DOCK10: variants seen among roughly 807,000 people sequenced by gnomAD.
DOCK10 encodes dedicator of cytokinesis 10.
Under a neutral mutation model 280.1 loss-of-function variants are expected in DOCK10, and 145 were observed. The ratio of observed to expected loss-of-function variants is 0.52; its 90% confidence interval spans 0.45 to 0.59. The LOEUF (loss-of-function observed/expected upper bound fraction) is 0.59, where lower values mean the gene tolerates loss of function less well. Among genes scored for constraint, DOCK10 ranks in the 20% least tolerant of loss-of-function variants. The pLI is 0.00. For missense variants in DOCK10, 2,368 were observed against 2,651.7 expected (o/e 0.89, Z 2.35); for synonymous variants, 915 against 942.2 (o/e 0.97, Z 0.53).
chr2:224,780,631 G>T (rs182043212), intron 50 of DOCK10, among the ~76,000 whole-genome samples: 68 of 152,158 alleles, frequency 4.5e-4, no homozygotes, highest in Admixed American at 1.1e-3. Flanking sequence ...GCTGGGTGCG[G>T]TGGTTCACGC....
intron 1 of DOCK10, chr2:224,983,752 A>G: frequency 2.1e-6 from 1 of 470,998 alleles, no homozygotes; most frequent in Non-Finnish European, 4.4e-6. Context: ...TCTTTTAAGA[A>G]GTACTGGCTG....
intron 47 of DOCK10, among the ~76,000 whole-genome samples, chr2:224,790,140 A>G (rs1574826248): frequency 6.6e-6 from 1 of 152,208 alleles, no homozygotes; most frequent in African/African-American, 2.4e-5. Context: ...TTTTCTTAGT[A>G]TCTTAGGCAC....
At chr2:224,996,874 A>T (rs1014229022) in intron 1 of DOCK10, among the ~76,000 whole-genome samples, 1 of 152,212 alleles carries the variant, frequency 6.6e-6, no homozygotes, top group African/African-American at 2.4e-5. Context: ...ATAGGGGTGC[A>T]GCAGGCAGAC....
Position 224,796,974 on chromosome 2 carries a change from G to A in DOCK10, c.4817C>T (p.Ser1606Phe). 6.2e-7 allele frequency: 1 copy of A among 1,612,600 alleles called. No individual in the cohort carries two copies. The highest frequency in any genetic ancestry group is 8.5e-7 in the Non-Finnish European group (1 of 1,179,346). The change falls in exon 43 of 56, where the codon TCC (serine) becomes TTC (phenylalanine). Residue 1606 changes from serine to phenylalanine, a missense_variant. Ser to Phe is a radical substitution (Grantham distance 155). Transcript: ENST00000258390. ...ATTGGCAGCACTTACTTGTAAGTGG[G>A]ACCGGACAATTGACTTCTGCTTGTT... ...EFNKQKSIVR[S>F]HLQLIKAVSQ... is the part of the protein sequence containing the mutation.
At chr2:224,935,689 A>G (rs1333766081) in intron 1 of DOCK10, among the ~76,000 whole-genome samples, 3 of 152,174 alleles carry the variant, frequency 2.0e-5, no homozygotes, top group African/African-American at 7.2e-5. Context: ...CCCACACGTA[A>G]AATCCTCATT....
At chr2:224,931,521 C>A (rs1210214640) in intron 2 of DOCK10, 28 bp downstream of exon 2, 2 of 1,582,130 alleles carry the variant, frequency 1.3e-6, no homozygotes, top group East Asian at 2.3e-5. Context: ...CCTCCTGAAT[C>A]TAAATGGCTT....
intron 11 of DOCK10, among the ~76,000 whole-genome samples, chr2:224,868,884 G>A (rs548011390): frequency 6.6e-6 from 1 of 152,018 alleles, no homozygotes; most frequent in Non-Finnish European, 1.5e-5. Context: ...CACATTGAAG[G>A]TCAAAGCAAA....
Position 224,819,436 on chromosome 2 carries a change from T to C in DOCK10, c.3267+10A>G. Reference sequence around the variant, plus strand: ...TTTAGAAAACAATCACTCCTGTACGTGGTTCTTACCTTAAGGTCACCGGAG... The same window carrying C: ...TTTAGAAAACAATCACTCCTGTACGCGGTTCTTACCTTAAGGTCACCGGAG... On this transcript the variant is annotated intron_variant, in intron 29 of 55. Transcript: ENST00000258390. 1 of 1,572,526 alleles carries C rather than the reference T, an allele frequency of 6.4e-7. No individual in the cohort carries two copies. The highest frequency in any genetic ancestry group is 2.3e-5 in the East Asian group (1 of 44,256).
At chr2:224,877,424 T>TAACAGGTTCCTATTCTATTGG (rs1698697176) in intron 7 of DOCK10, among the ~76,000 whole-genome samples, 1 of 124,860 alleles carries the variant, frequency 8.0e-6, no homozygotes, top group Non-Finnish European at 1.8e-5. Context: ...GAATGGAACA[T>TAACAGGTTCCTATTCTATTGG]AATAGGTTCC....
At chr2:224,947,024 CA>C in intron 1 of DOCK10, 3 of 1,460,400 alleles carry the variant, frequency 2.1e-6, no homozygotes, top group Non-Finnish European at 2.7e-6. Context: ...TCTGAAGCGT[CA>C]CCAGGCTGAA....
At chr2:224,908,121 G>T (rs148980781) in intron 3 of DOCK10, among the ~76,000 whole-genome samples, 8 of 149,382 alleles carry the variant, frequency 5.4e-5, no homozygotes, top group African/African-American at 2.0e-4. Flanking sequence ...CTTGCCGAAC[G>T]TTCTGTGCCT....
At chr2:224,993,755 A>G (rs1252353549) in intron 1 of DOCK10, among the ~76,000 whole-genome samples, 1 of 152,192 alleles carries the variant, frequency 6.6e-6, no homozygotes, top group East Asian at 1.9e-4. Context: ...AAGCTGACAG[A>G]GGGCAAAGCT....
At chr2:224,857,099 T>G (rs905049693) in intron 14 of DOCK10, 117 bp from the exon 15 acceptor site, 1 of 903,136 alleles carries the variant, frequency 1.1e-6, no homozygotes, top group African/African-American at 1.7e-5. Flanking sequence ...TAAGAACTTA[T>G]AAAATAAAAA....
chr2:224,971,655 G>C (rs936835257), intron 1 of DOCK10, among the ~76,000 whole-genome samples: 1 of 151,994 alleles, frequency 6.6e-6, no homozygotes, highest in African/African-American at 2.4e-5. Flanking sequence ...ATTTAACTTT[G>C]ATTTAACTTT....
chr2:224,952,092 T>A (rs1016618995), intron 1 of DOCK10, among the ~76,000 whole-genome samples: 3 of 152,228 alleles, frequency 2.0e-5, no homozygotes, highest in African/African-American at 7.2e-5. Flanking sequence ...CAGGACAATC[T>A]GGAATCATTT....
intron 1 of DOCK10, among the ~76,000 whole-genome samples, chr2:225,038,375 C>T (rs184409782): frequency 6.6e-6 from 1 of 152,076 alleles, no homozygotes; most frequent in Non-Finnish European, 1.5e-5. Context: ...CTCACGTAAA[C>T]ATGTTTACAT....
At chr2:224,860,176 A>G (rs1697406584) in intron 14 of DOCK10, among the ~76,000 whole-genome samples, 1 of 152,178 alleles carries the variant, frequency 6.6e-6, no homozygotes, top group South Asian at 2.1e-4. Flanking sequence ...GCCTCCCTAG[A>G]GACTTCATCT....
At chr2:224,916,559 A>T in intron 3 of DOCK10, 136 bp downstream of exon 3, 1 of 558,034 alleles carries the variant, frequency 1.8e-6, no homozygotes, top group Non-Finnish European at 3.0e-6. Context: ...AAAAAAAAAA[A>T]AAAGACATCC....
intron 4 of DOCK10, 23 bp from the exon 5 acceptor site, chr2:224,886,554 A>G (rs1308777046): frequency 1.3e-6 from 2 of 1,557,798 alleles, no homozygotes; most frequent in African/African-American, 1.4e-5. Context: ...AAAAAAAAAG[A>G]TTCTGATTTG....
Sources: allele counts gnomAD v4.1 joint callset (sites outside exome capture counted in the v4.1 genomes callset), GRCh38; gene constraint gnomAD v4.1.1; transcripts MANE v1.5; gene names NCBI Gene and HGNC (gene_info 2026-07-23, HGNC 2026-07-21).